Variants in ALDH1L2 observed in about 807,000 individuals in gnomAD.
ALDH1L2 encodes the protein mitochondrial 10-formyltetrahydrofolate dehydrogenase.
A neutral mutation model predicts 111.0 loss-of-function variants in ALDH1L2; 91 were observed. That is an observed-to-expected ratio of 0.82 (90% confidence interval 0.69 to 0.98). The LOEUF (loss-of-function observed/expected upper bound fraction) is 0.98, where lower values mean the gene tolerates loss of function less well. ALDH1L2 is among the 50% of genes least tolerant of loss of function. The pLI, the probability that ALDH1L2 is intolerant of heterozygous loss-of-function variation, is 0.00. For synonymous variants in ALDH1L2, 374 were observed against 392.6 expected (o/e 0.95, Z 0.56); for missense variants, 995 against 1,126.8 (o/e 0.88, Z 1.67).
At position 105,031,826 on chromosome 12, in the gene ALDH1L2, T is replaced by C. The variant is rs761197015; in HGVS notation, c.2353A>G (p.Thr785Ala). ...AAAGTGGCCCCTTCTTTCACTCCAG[T>C]TTCACAGTATTGCAGCAGCTTTTCC... is the stretch of plus-strand genomic sequence containing the variant. ...HLEKLLQYCE[T>A]GVKEGATLVY... Residue 785 changes from threonine (T) to alanine (A), a missense_variant, in exon 20 of 23, where the codon ACT becomes GCT. Coordinates refer to ENST00000258494, the MANE Select transcript of ALDH1L2 (RefSeq NM_001034173.4). 6.2e-7 allele frequency: 1 copy of C among 1,614,212 alleles called. No homozygotes were observed. The highest frequency in any genetic ancestry group is 8.5e-7 in the Non-Finnish European group (1 of 1,180,032).
chr12:105,040,109 G>T (rs1376843479), intron 16 of ALDH1L2, among the ~76,000 whole-genome samples: 1 of 108,454 alleles, frequency 9.2e-6, no homozygotes, highest in East Asian at 3.1e-4. Context: ...CGGGGCAACA[G>T]AGTGAGACTC....
chr12:105,050,578 CTATT>C (rs763670549), intron 12 of ALDH1L2: 27 of 389,476 alleles, frequency 6.9e-5, no homozygotes, highest in Non-Finnish European at 1.2e-4. Context: ...TTCAACTTCT[CTATT>C]TATTTTTCTT....
At chr12:105,027,711 T>C (rs1423343986) in intron 21 of ALDH1L2, among the ~76,000 whole-genome samples, 1 of 152,232 alleles carries the variant, frequency 6.6e-6, no homozygotes, top group Non-Finnish European at 1.5e-5. Flanking sequence ...CACATATTTT[T>C]CCAAACTTAA....
At chr12:105,066,282 T>A (rs1877348250) in intron 5 of ALDH1L2, among the ~76,000 whole-genome samples, 1 of 152,168 alleles carries the variant, frequency 6.6e-6, no homozygotes, top group South Asian at 2.1e-4. Flanking sequence ...TTGCATAGTA[T>A]CTCCTCTCCT....
intron 10 of ALDH1L2, among the ~76,000 whole-genome samples, chr12:105,053,303 T>G (rs1263651396): frequency 6.6e-6 from 1 of 152,208 alleles, no homozygotes; most frequent in African/African-American, 2.4e-5. Context: ...CCTTTGTCAA[T>G]AGGTTTCCTT....
At chr12:105,072,563 T>G (rs1217397222) in intron 2 of ALDH1L2, 1 of 152,118 alleles carries the variant, frequency 6.6e-6, no homozygotes, top group Non-Finnish European at 1.5e-5. Flanking sequence ...ATATGTCAGA[T>G]GACAGGAAAG....
At chr12:105,065,455 G>A in intron 5 of ALDH1L2, 99 bp from the exon 6 acceptor site, 1 of 927,346 alleles carries the variant, frequency 1.1e-6, no homozygotes, top group South Asian at 1.5e-5. Context: ...ACTTGTTATT[G>A]GGAAATAAAG....
Position 105,022,632 on chromosome 12 carries a change from G to A in ALDH1L2, c.*1792C>T, listed in dbSNP as rs1379850851. ...ATTCAAATATGAACTGTCATTTTGG[G>A]CCCAGTGAATATTCATTCCAACTTA... is the stretch of plus-strand genomic sequence containing the variant. On this transcript the variant is annotated 3_prime_UTR_variant, in exon 23 of 23. Transcript: ENST00000258494. 6.6e-6 allele frequency: 1 copy of A among 152,114 alleles called. No homozygotes were observed. The highest frequency in any genetic ancestry group is 2.4e-5 in the African/African-American group (1 of 41,414). The allele number at this position is 152,114 out of a possible 1,614,324, so 9.4% of individuals were successfully genotyped here.
At position 105,024,161 on chromosome 12, in the gene ALDH1L2, G is replaced by C; in HGVS notation, c.*263C>G. 1 of 542,934 alleles carries C rather than the reference G, an allele frequency of 1.8e-6. No individual in the cohort carries two copies. The highest frequency in any genetic ancestry group is 3.2e-5 in the Admixed American group (1 of 31,074). 33.6% of individuals were successfully genotyped at this position (542,934 alleles called of 1,614,324 possible). A position where few individuals can be genotyped will look rare whatever the true frequency, so the allele number is the denominator to read the frequency against. On this transcript the variant is annotated 3_prime_UTR_variant, in exon 23 of 23. Transcript: ENST00000258494. ...ACCATGAATAGATTTGTCTAGGTAG[G>C]GGAGAAACAGCTTGGTATTTTAGAA...
chr12:105,038,417 A>G (rs1251504546), intron 17 of ALDH1L2, among the ~76,000 whole-genome samples: 1 of 152,074 alleles, frequency 6.6e-6, no homozygotes. Flanking sequence ...GTGACTCACA[A>G]CTGTCTGGGA....
At chr12:105,078,790 G>A (rs966866996) in intron 1 of ALDH1L2, among the ~76,000 whole-genome samples, 1 of 152,204 alleles carries the variant, frequency 6.6e-6, no homozygotes, top group Non-Finnish European at 1.5e-5. Flanking sequence ...CCAGAAGGGA[G>A]TTACTTAGCT....
intron 1 of ALDH1L2, among the ~76,000 whole-genome samples, chr12:105,079,685 A>T (rs906667389): frequency 6.6e-6 from 1 of 152,132 alleles, no homozygotes; most frequent in Non-Finnish European, 1.5e-5. Flanking sequence ...TAAAATTTTT[A>T]AAATTAATTT....
intron 21 of ALDH1L2, among the ~76,000 whole-genome samples, chr12:105,029,139 C>T (rs1313130963): frequency 6.6e-6 from 1 of 151,838 alleles, no homozygotes; most frequent in Non-Finnish European, 1.5e-5. Context: ...GTGATCCTCC[C>T]ACCTTAGCCT....
chr12:105,076,790 A>G (rs1878071460), intron 1 of ALDH1L2, among the ~76,000 whole-genome samples: 1 of 152,228 alleles, frequency 6.6e-6, no homozygotes, highest in Admixed American at 6.5e-5. Flanking sequence ...GATATTTCCT[A>G]TTGGAAATAT....
intron 17 of ALDH1L2, among the ~76,000 whole-genome samples, 156 bp downstream of exon 17, chr12:105,039,557 T>C (rs1482014725): frequency 6.6e-6 from 1 of 152,204 alleles, no homozygotes; most frequent in East Asian, 1.9e-4. Context: ...GGAAAGTATT[T>C]TATTGTATTC....
intron 1 of ALDH1L2, among the ~76,000 whole-genome samples, chr12:105,077,087 A>T (rs898218417): frequency 1.3e-5 from 2 of 152,220 alleles, no homozygotes; most frequent in African/African-American, 4.8e-5. Flanking sequence ...TGACAGGTCA[A>T]TTGGGAATAG....
chr12:105,062,076 A>C (rs1427222883), intron 7 of ALDH1L2, among the ~76,000 whole-genome samples: 5 of 152,258 alleles, frequency 3.3e-5, no homozygotes, highest in African/African-American at 9.6e-5. Context: ...GCAACTCTGC[A>C]GCTGCTGCCT....
At chr12:105,035,114 A>G (rs1423816938) in intron 18 of ALDH1L2, among the ~76,000 whole-genome samples, 1 of 152,008 alleles carries the variant, frequency 6.6e-6, no homozygotes, top group Non-Finnish European at 1.5e-5. Flanking sequence ...TTACCCAGCT[A>G]ATTTTTTCTA....
At chr12:105,078,143 G>A (rs1878161002) in intron 1 of ALDH1L2, among the ~76,000 whole-genome samples, 1 of 152,204 alleles carries the variant, frequency 6.6e-6, no homozygotes, top group African/African-American at 2.4e-5. Flanking sequence ...GCATTTTTAA[G>A]AGGACTCTGT....
Sources: allele counts gnomAD v4.1 joint callset (sites outside exome capture counted in the v4.1 genomes callset), GRCh38; gene constraint gnomAD v4.1.1; transcripts MANE v1.5; gene names NCBI Gene and HGNC (gene_info 2026-07-23, HGNC 2026-07-21).